Variants in PPP4R1 observed in about 807,000 individuals in gnomAD.
The protein encoded by PPP4R1 is serine/threonine-protein phosphatase 4 regulatory subunit 1.
In PPP4R1, 42 loss-of-function variants were observed where a neutral mutation model predicts 111.2. The observed-to-expected ratio is 0.38, with a 90% confidence interval of 0.29 to 0.49. The LOEUF (loss-of-function observed/expected upper bound fraction) is 0.49. PPP4R1 is among the 20% of genes least tolerant of loss of function. PPP4R1 has a pLI of 0.97. For synonymous variants in PPP4R1, 409 were observed against 405.5 expected, an observed-to-expected ratio of 1.01 and a Z score of -0.10; for missense variants, 1,012 against 1,161.6, an observed-to-expected ratio of 0.87 and a Z score of 1.87.
In PPP4R1 at chr18:9,549,333, GAC is replaced by G; in HGVS notation, c.2551_2552del (p.Val851HisfsTer2). 3 of 1,603,808 alleles carry G rather than the reference GAC, an allele frequency of 1.9e-6. No individual in the cohort carries two copies. The highest frequency in any genetic ancestry group is 2.6e-6 in the Non-Finnish European group (3 of 1,171,110). On this transcript the variant is annotated frameshift_variant, in exon 19 of 20. Transcript: ENST00000400556. LOFTEE classifies it high-confidence loss of function. Reference sequence around the variant, plus strand: ...CCATGGGAAGGCAGTCATCCTCAATGACAGTCTGGGGAAGAGAAACAGCTGCT... The same window carrying G: ...CCATGGGAAGGCAGTCATCCTCAATGAGTCTGGGGAAGAGAAACAGCTGCT... ...RQAFVFVCQT[V>X]IEDDCLPMDQ...
At chr18:9,575,500 C>T (rs191058945) in intron 10 of PPP4R1, among the ~76,000 whole-genome samples, 1 of 152,240 alleles carries the variant, frequency 6.6e-6, no homozygotes, top group Non-Finnish European at 1.5e-5. Context: ...GCTCTCTTTC[C>T]CCTACCATAT....
intron 10 of PPP4R1, among the ~76,000 whole-genome samples, chr18:9,576,147 G>A (rs1345366051): frequency 6.6e-6 from 1 of 152,142 alleles, no homozygotes; most frequent in Non-Finnish European, 1.5e-5. Flanking sequence ...CAAGGCAGCA[G>A]AGAAGAAAGA....
At position 9,553,332 on chromosome 18, in the gene PPP4R1, C is replaced by T; in HGVS notation, c.2281G>A (p.Glu761Lys). 1 of 1,579,852 alleles carries T rather than the reference C, an allele frequency of 6.3e-7. No individual in the cohort carries two copies. The highest frequency in any genetic ancestry group is 1.1e-5 in the South Asian group (1 of 90,386). The change falls in exon 16 of 20, where the codon GAA (glutamate) becomes AAA (lysine). Residue 761 changes from glutamate to lysine, a missense_variant. Glu to Lys is a moderately conservative substitution (Grantham distance 56). This residue lies in a region of PPP4R1 where 305 missense variants were observed against 419.5 expected (regional missense o/e 0.73). Transcript: ENST00000400556. ...DNSRNWRFRAELAEQLILLLE... is the reference protein window; with the variant it reads ...DNSRNWRFRAKLAEQLILLLE... ...ACTGTTAGAACTTACTCAGCCAGTT[C>T]AGCTCGAAACCGCCAATTTCTACTA...
chr18:9,576,824 C>T (rs1555671094), intron 10 of PPP4R1, among the ~76,000 whole-genome samples: 2 of 152,152 alleles, frequency 1.3e-5, no homozygotes, highest in Non-Finnish European at 2.9e-5. Flanking sequence ...ATGTGCGAGG[C>T]ATCTAGCTAA....
chr18:9,563,276 C>A, intron 12 of PPP4R1, 102 bp downstream of exon 12: 1 of 1,249,954 alleles, frequency 8.0e-7, no homozygotes, highest in African/African-American at 1.6e-5. Flanking sequence ...CAGCAACAAA[C>A]AGAACATACA....
intron 10 of PPP4R1, among the ~76,000 whole-genome samples, chr18:9,572,905 A>G (rs898643475): frequency 6.6e-6 from 1 of 152,250 alleles, no homozygotes; most frequent in Non-Finnish European, 1.5e-5. Context: ...ACAATTGTTT[A>G]CAAGTGTGAA....
In PPP4R1 at chr18:9,593,778, G is replaced by C. The variant is rs191120795; in HGVS notation, c.285C>G (p.Ala95=). 1 of 1,612,660 alleles carries C rather than the reference G, an allele frequency of 6.2e-7. No homozygotes were observed. The highest frequency in any genetic ancestry group is 2.2e-5 in the East Asian group (1 of 44,874). ...TTTCTCCACATATACCTGAATCATC[G>C]GCCAATCTGCTAATTCTTTCCAAAA... ...IAVLERISRL[A]DDSEPTVRAE... Residue 95 remains alanine (A), a synonymous_variant, in exon 4 of 20, where the codon GCC becomes GCG. Coordinates refer to ENST00000400556, the MANE Select transcript of PPP4R1 (RefSeq NM_001042388.3).
chr18:9,608,710 C>A (rs7233649), intron 2 of PPP4R1, among the ~76,000 whole-genome samples: 25,188 of 152,196 alleles, frequency 0.17, 2,922 homozygotes, highest in African/African-American at 0.33. Flanking sequence ...AACAACAACA[C>A]AACTCTAATT....
intron 14 of PPP4R1, among the ~76,000 whole-genome samples, chr18:9,558,695 G>A (rs1417487364): frequency 3.0e-5 from 2 of 66,040 alleles, no homozygotes; most frequent in Non-Finnish European, 6.4e-5. Context: ...AGCCTAATCA[G>A]ACTGTTTTTT....
intron 4 of PPP4R1, among the ~76,000 whole-genome samples, chr18:9,592,623 A>G (rs919868937): frequency 2.3e-4 from 35 of 151,884 alleles, no homozygotes; most frequent in African/African-American, 8.0e-4. Context: ...GACATTTACT[A>G]TGAATTTACC....
chr18:9,558,697 C>CT (rs140149183), intron 14 of PPP4R1, among the ~76,000 whole-genome samples: 2 of 55,306 alleles, frequency 3.6e-5, no homozygotes, highest in African/African-American at 1.4e-4. Flanking sequence ...CCTAATCAGA[C>CT]TGTTTTTTTT....
At chr18:9,605,858 T>C (rs1339572786) in intron 2 of PPP4R1, among the ~76,000 whole-genome samples, 3 of 152,158 alleles carry the variant, frequency 2.0e-5, no homozygotes, top group African/African-American at 4.8e-5. Flanking sequence ...CCCTTGTTCT[T>C]AGGAGACACA....
At chr18:9,562,562 C>T (rs1387414157) in intron 12 of PPP4R1, among the ~76,000 whole-genome samples, 1 of 152,162 alleles carries the variant, frequency 6.6e-6, no homozygotes, top group Non-Finnish European at 1.5e-5. Flanking sequence ...CTATTCAAAT[C>T]TCCAATAAAT....
intron 10 of PPP4R1, among the ~76,000 whole-genome samples, chr18:9,574,614 C>T (rs913144220): frequency 2.6e-5 from 4 of 152,112 alleles, no homozygotes; most frequent in Non-Finnish European, 5.9e-5. Context: ...ATATGTGCAC[C>T]AACGGGCCAG....
In PPP4R1 at chr18:9,614,375, C is replaced by T. The variant is rs1326366842; in HGVS notation, c.7+103G>A. 1 of 1,022,564 alleles carries T rather than the reference C, an allele frequency of 9.8e-7. No individual in the cohort carries two copies. Among genetic ancestry groups the T allele is most frequent in the Non-Finnish European group, 1.2e-6 (1 of 851,918 alleles). 63.3% of individuals were successfully genotyped at this position (1,022,564 alleles called of 1,614,324 possible). A position where few individuals can be genotyped will look rare whatever the true frequency, so the allele number is the denominator to read the frequency against. ...CCGCCCCGGGGGCGCCTTCCCGCGC[C>T]GGGACCCCACGCCGGCCCCGGCCCG... On this transcript the variant is annotated intron_variant, in intron 1 of 19. Transcript: ENST00000400556. This position sits in a 1 kb window ranked among gnomAD's most constrained non-coding sequence, Gnocchi z 4.1.
intron 14 of PPP4R1, among the ~76,000 whole-genome samples, chr18:9,557,766 G>C (rs1003491655): frequency 6.6e-6 from 1 of 150,992 alleles, no homozygotes; most frequent in African/African-American, 2.5e-5. Context: ...ACGTACTGAG[G>C]CTGCACATGG....
chr18:9,588,103 T>G lies in PPP4R1; in HGVS notation c.571A>C (p.Thr191Pro), dbSNP rs1421498544. Residue 191 changes from threonine to proline, a missense_variant, in exon 6 of 20, where the codon ACA becomes CCA. Physicochemically the swap from Thr to Pro is conservative, Grantham distance 38. Coordinates refer to ENST00000400556, the MANE Select transcript of PPP4R1 (RefSeq NM_001042388.3). ...ATTTGACTTACAGCCACAGCTTCTGTTTTCACATCATCATTGCTATCTGGG... is the reference window on the plus strand; with the variant it reads ...ATTTGACTTACAGCCACAGCTTCTGGTTTCACATCATCATTGCTATCTGGG... The part of the protein sequence containing the change: ...TAPDSNDDVK[T>P]EAVAIMCKMA... 6.2e-7 allele frequency: 1 copy of G among 1,613,964 alleles called. No homozygotes were observed. Among genetic ancestry groups the G allele is most frequent in the Admixed American group, 1.7e-5 (1 of 59,956 alleles).
chr18:9,614,272 T>C lies in PPP4R1; in HGVS notation c.8-2A>G. ...GGTCCTCCTGAAGCAGCGAGAGGTC[T>C]GCGCCGAGGGGAGAGAAGAAAGGCC... On this transcript the variant is annotated splice_acceptor_variant, in intron 1 of 19. Coordinates refer to ENST00000400556, the MANE Select transcript of PPP4R1 (RefSeq NM_001042388.3). LOFTEE classifies it high-confidence loss of function. This position sits in a 1 kb window ranked among gnomAD's most constrained non-coding sequence, Gnocchi z 4.1. 1 of 1,315,832 alleles carries C rather than the reference T, an allele frequency of 7.6e-7. No individual in the cohort carries two copies. The allele number at this position is 1,315,832 out of a possible 1,614,324, so 81.5% of individuals were successfully genotyped here.
At chr18:9,603,832 C>CT (rs1226868740) in intron 2 of PPP4R1, among the ~76,000 whole-genome samples, 2 of 152,042 alleles carry the variant, frequency 1.3e-5, no homozygotes, top group African/African-American at 2.4e-5. Context: ...AGAAATGTGA[C>CT]TGGGCAATCA....
Sources: gnomAD v4.1 joint callset for allele counts (sites outside exome capture counted in the v4.1 genomes callset) on GRCh38, gnomAD v4.1.1 for gene constraint, gnomAD v4.1.1 regional missense constraint, Gnocchi (gnomAD v3.1) non-coding constraint, MANE v1.5 for transcripts, NCBI Gene and HGNC (gene_info 2026-07-23, HGNC 2026-07-21) for gene names.